The following EPM2A variants were observed in gnomAD, a reference collection of about 807,000 sequenced individuals.
The protein encoded by EPM2A is EPM2A glucan phosphatase, laforin.
In EPM2A, 21 loss-of-function variants were observed where a neutral mutation model predicts 26.5. The observed-to-expected ratio is 0.79, with a 90% CI of 0.56 to 1.14. The LOEUF is 1.14. EPM2A is among the 50% of genes most tolerant of loss of function. The pLI, the probability that EPM2A is intolerant of heterozygous loss-of-function variation, is 0.00. For missense variants in EPM2A, 458 were observed against 440.8 expected (o/e 1.04, Z -0.35); for synonymous variants, 217 against 177.6 (o/e 1.22, Z -1.76).
chr6:145,728,376 G>T (rs774820349), intron 1 of EPM2A, among the ~76,000 whole-genome samples: 8 of 152,214 alleles, frequency 5.3e-5, no homozygotes, highest in Non-Finnish European at 1.0e-4. Flanking sequence ...TCGTTGAATG[G>T]TTGTGACCAA....
At chr6:145,538,651 C>T (rs1051629372) in intron 2 of EPM2A, among the ~76,000 whole-genome samples, 10 of 152,210 alleles carry the variant, frequency 6.6e-5, no homozygotes, top group Admixed American at 4.6e-4. Flanking sequence ...CTTTTGTTTT[C>T]AGAATGTGTA....
At chr6:145,659,413 A>G (rs1778527221) in intron 2 of EPM2A, among the ~76,000 whole-genome samples, 2 of 152,202 alleles carry the variant, frequency 1.3e-5, no homozygotes, top group South Asian at 4.1e-4. Context: ...CAGTATAATT[A>G]TTGAAAAGAT....
chr6:145,555,188 T>C (rs1780712075), intron 2 of EPM2A, among the ~76,000 whole-genome samples: 1 of 152,072 alleles, frequency 6.6e-6, no homozygotes, highest in African/African-American at 2.4e-5. Flanking sequence ...TTTGGCACAG[T>C]GTCTACAAGA....
At chr6:145,618,568 G>A (rs1292439959) in intron 2 of EPM2A, among the ~76,000 whole-genome samples, 1 of 152,148 alleles carries the variant, frequency 6.6e-6, no homozygotes, top group Non-Finnish European at 1.5e-5. Context: ...GAGATCTGAT[G>A]GTTTGATACA....
At chr6:145,610,314 T>A (rs1254607219) in intron 2 of EPM2A, among the ~76,000 whole-genome samples, 3 of 152,198 alleles carry the variant, frequency 2.0e-5, no homozygotes, top group Non-Finnish European at 4.4e-5. Context: ...ATTTAACAAT[T>A]TTCCAACTCT....
At chr6:145,671,182 A>C (rs757090671) in intron 2 of EPM2A, 4 of 1,015,492 alleles carry the variant, frequency 3.9e-6, no homozygotes, top group Non-Finnish European at 4.7e-6. Flanking sequence ...TGATTTATAA[A>C]TGCGAGCAAA....
intron 2 of EPM2A, among the ~76,000 whole-genome samples, chr6:145,536,593 G>T (rs1780435734): frequency 6.6e-6 from 1 of 150,814 alleles, no homozygotes; most frequent in Non-Finnish European, 1.5e-5. Flanking sequence ...CACTGCACCT[G>T]GCCCCTTCCC....
chr6:145,655,278 T>C (rs759889159), intron 2 of EPM2A, among the ~76,000 whole-genome samples: 2 of 152,096 alleles, frequency 1.3e-5, no homozygotes, highest in Non-Finnish European at 2.9e-5. Context: ...TCTATTGTGG[T>C]ACATGTTGGA....
chr6:145,494,580 T>C (rs886184696), intron 4 of EPM2A, among the ~76,000 whole-genome samples: 5 of 152,156 alleles, frequency 3.3e-5, no homozygotes, highest in Admixed American at 2.6e-4. Context: ...GGACGTTAGG[T>C]TGTTAACTTG....
At chr6:145,557,005 G>T (rs1026871582) in intron 2 of EPM2A, among the ~76,000 whole-genome samples, 2 of 152,036 alleles carry the variant, frequency 1.3e-5, no homozygotes, top group African/African-American at 4.8e-5. Context: ...CATTCTATCT[G>T]CAGTGAAATG....
chr6:145,735,537 CCCGCGGCCGGCAG>C, upstream of EPM2A: 1 of 1,162,786 alleles, frequency 8.6e-7, no homozygotes, highest in Non-Finnish European at 1.1e-6. Context: ...GCCCGGAGTC[CCCGCGGCCGGCAG>C]GCGCGGCCCG....
intron 4 of EPM2A, among the ~76,000 whole-genome samples, chr6:145,422,057 GTATATA>G (rs67264730): frequency 3.8e-5 from 5 of 131,728 alleles, no homozygotes; most frequent in East Asian, 2.4e-4. Flanking sequence ...ATATATGAGT[GTATATA>G]TATATATATA....
At chr6:145,709,999 A>T (rs908057540) in intron 1 of EPM2A, among the ~76,000 whole-genome samples, 49 of 152,324 alleles carry the variant, frequency 3.2e-4, no homozygotes, top group African/African-American at 1.2e-3. Context: ...TGTTAGACCT[A>T]AAACCATAAA....
intron 4 of EPM2A, among the ~76,000 whole-genome samples, chr6:145,453,936 T>C (rs1779229541): frequency 6.6e-6 from 1 of 152,196 alleles, no homozygotes; most frequent in Non-Finnish European, 1.5e-5. Flanking sequence ...CTCATTTGAG[T>C]GTGTCTAACG....
At chr6:145,634,803 T>C (rs539698596) in intron 3 of EPM2A, 7 of 163,248 alleles carry the variant, frequency 4.3e-5, no homozygotes, top group African/African-American at 1.7e-4. Flanking sequence ...AAAACCCTCT[T>C]TGACCCCACT....
At chr6:145,728,339 A>C (rs985022245) in intron 1 of EPM2A, among the ~76,000 whole-genome samples, 2 of 152,190 alleles carry the variant, frequency 1.3e-5, no homozygotes, top group African/African-American at 4.8e-5. Flanking sequence ...CAGGAGGATG[A>C]AGGAAAGTTT....
intron 1 of EPM2A, 166 bp downstream of exon 1, chr6:145,735,032 G>A (rs1375396740): frequency 5.0e-6 from 2 of 400,874 alleles, no homozygotes; most frequent in African/African-American, 2.1e-5. Flanking sequence ...GTGGCCGGCA[G>A]AGCAGGGTCA....
At chr6:145,555,159 T>G (rs1237678183) in intron 2 of EPM2A, among the ~76,000 whole-genome samples, 1 of 152,224 alleles carries the variant, frequency 6.6e-6, no homozygotes, top group South Asian at 2.1e-4. Flanking sequence ...ATGGTTTAAA[T>G]GGGATCGTTC....
In EPM2A at chr6:145,553,086, C is replaced by T. The variant is rs1020824687; in HGVS notation, c.341-50511G>A. On this transcript the variant is annotated intron_variant, in intron 2 of 3. Coordinates refer to the EPM2A transcript ENST00000450221. ...GGTAATTGAATCATGAGGGCAGTTT[C>T]GCCATGCTGTTATCATGATAATGAG... is the stretch of plus-strand genomic sequence containing the variant. Among the ~76,000 whole-genome samples the T allele has an allele frequency of 5.9e-5, 9 of 152,136 alleles. No individual in the cohort carries two copies. In the South Asian group the frequency reaches 1.2e-3, roughly 21 times the overall value.
Sources: gnomAD v4.1 joint callset for allele counts (sites outside exome capture counted in the v4.1 genomes callset) on GRCh38, gnomAD v4.1.1 for gene constraint, MANE v1.5 for transcripts, NCBI Gene and HGNC (gene_info 2026-07-23, HGNC 2026-07-21) for gene names.